Variants in PAPPA observed in about 807,000 individuals in gnomAD.
PAPPA encodes pappalysin 1.
PAPPA carries 60 observed loss-of-function variants against 164.0 expected under a neutral mutation model. The ratio of observed to expected loss-of-function variants is 0.37; its 90% confidence interval spans 0.30 to 0.45. The LOEUF (loss-of-function observed/expected upper bound fraction) is 0.45, where lower values mean the gene tolerates loss of function less well. Ranked by LOEUF, PAPPA falls within the 20% of genes least tolerant of loss-of-function variation. The pLI is 1.00. For synonymous variants in PAPPA, 875 were observed against 814.1 expected (o/e 1.07, Z -1.27); for missense variants, 1,782 against 2,087.3 (o/e 0.85, Z 2.85).
At chr9:116,169,624 C>T (rs1843754444) in intron 1 of PAPPA, among the ~76,000 whole-genome samples, 1 of 151,776 alleles carries the variant, frequency 6.6e-6, no homozygotes, top group Non-Finnish European at 1.5e-5. Context: ...CTAACCTCTC[C>T]AAACTATTCT....
intron 21 of PAPPA, among the ~76,000 whole-genome samples, chr9:116,389,066 GTTGGGTAGCTGAC>G (rs1229657062): frequency 6.6e-6 from 1 of 151,466 alleles, no homozygotes; most frequent in Admixed American, 6.6e-5. Context: ...AGGGCTGGAT[GTTGGGTAGCTGAC>G]TTGGGGATGT....
chr9:116,341,940 C>T, intron 13 of PAPPA, among the ~76,000 whole-genome samples: 1 of 152,230 alleles, frequency 6.6e-6, no homozygotes, highest in East Asian at 1.9e-4. Context: ...GATTGGTAAA[C>T]CTTGTGCTCC....
chr9:116,234,716 C>A (rs1448313796), intron 6 of PAPPA, among the ~76,000 whole-genome samples: 1 of 152,116 alleles, frequency 6.6e-6, no homozygotes. Context: ...TGAACCTGAT[C>A]GATTCACTCT....
intron 13 of PAPPA, among the ~76,000 whole-genome samples, chr9:116,340,275 A>T (rs1221317576): frequency 6.6e-6 from 1 of 152,186 alleles, no homozygotes; most frequent in Non-Finnish European, 1.5e-5. Flanking sequence ...ACAGGGCTGT[A>T]TCACAGAGTT....
intron 10 of PAPPA, among the ~76,000 whole-genome samples, chr9:116,327,155 T>C (rs1845930834): frequency 6.6e-6 from 1 of 152,180 alleles, no homozygotes; most frequent in Admixed American, 6.5e-5. Context: ...TCTAGAGCAC[T>C]CTTGATGTGT....
At chr9:116,269,609 C>T (rs1029476687) in intron 8 of PAPPA, among the ~76,000 whole-genome samples, 7 of 152,144 alleles carry the variant, frequency 4.6e-5, no homozygotes, top group East Asian at 3.9e-4. Context: ...AATAAGGTTT[C>T]GCAGAACTTC....
chr9:116,232,379 A>C (rs1844609225), intron 6 of PAPPA, among the ~76,000 whole-genome samples: 1 of 152,306 alleles, frequency 6.6e-6, no homozygotes, highest in African/African-American at 2.4e-5. Flanking sequence ...TAATGATCTC[A>C]TCCTATTTGA....
chr9:116,209,560 C>T (rs1844281588), intron 3 of PAPPA, among the ~76,000 whole-genome samples: 1 of 152,096 alleles, frequency 6.6e-6, no homozygotes, highest in Non-Finnish European at 1.5e-5. Context: ...AAATCCATAG[C>T]ATGTTATAGT....
chr9:116,288,043 T>C (rs188636542), intron 9 of PAPPA, among the ~76,000 whole-genome samples: 3 of 152,294 alleles, frequency 2.0e-5, no homozygotes, highest in East Asian at 3.9e-4. Context: ...GTGGTTTTGA[T>C]TGATATTTTC....
chr9:116,369,867 C>T (rs550624921), intron 19 of PAPPA, among the ~76,000 whole-genome samples: 110 of 151,556 alleles, frequency 7.3e-4, no homozygotes, highest in Non-Finnish European at 1.1e-3. Context: ...GTTCAGACCT[C>T]CACTGGTCTC....
intron 6 of PAPPA, among the ~76,000 whole-genome samples, chr9:116,232,171 A>G (rs1844606878): frequency 6.6e-6 from 1 of 152,098 alleles, no homozygotes. Context: ...TATACAAGCC[A>G]CTTCACAATC....
At chr9:116,353,548 G>T in intron 16 of PAPPA, 74 bp from the exon 17 acceptor site, 1 of 1,318,744 alleles carries the variant, frequency 7.6e-7, no homozygotes, top group South Asian at 1.3e-5. Context: ...GGGCCCAGCT[G>T]GTGGTGTTCA....
intron 14 of PAPPA, among the ~76,000 whole-genome samples, chr9:116,346,193 G>A (rs535139470): frequency 2.6e-5 from 4 of 152,222 alleles, no homozygotes; most frequent in Admixed American, 6.5e-5. Flanking sequence ...AGGATTTAGC[G>A]GCTTCCTCCT....
intron 10 of PAPPA, among the ~76,000 whole-genome samples, chr9:116,322,133 AG>A (rs1414004478): frequency 6.6e-6 from 1 of 152,194 alleles, no homozygotes; most frequent in African/African-American, 2.4e-5. Context: ...ACCATCTTTA[AG>A]AGTTGGTGCT....
chr9:116,190,215 G>A (rs1415269024), intron 2 of PAPPA, among the ~76,000 whole-genome samples: 1 of 152,210 alleles, frequency 6.6e-6, no homozygotes, highest in African/African-American at 2.4e-5. Context: ...TCTATGATCA[G>A]TGTGCTCCAC....
rs764168007 is a variant in PAPPA at position 116,187,260 on chromosome 9, G to A, written c.522G>A (p.Leu174=). Residue 174 remains leucine, a synonymous_variant, in exon 2 of 22, where the codon TTG becomes TTA. Transcript: ENST00000328252. The surrounding 1 kb of genome is among the most constrained non-coding windows in gnomAD (Gnocchi z 4.2). Reference sequence around the variant, plus strand: ...AAGACCCACGCTACTTTTTCTCCTTGAAGACAGACCGAGCCCGGCAAGTGA... The same window carrying A: ...AAGACCCACGCTACTTTTTCTCCTTAAAGACAGACCGAGCCCGGCAAGTGA... ...DNKDPRYFFS[L]KTDRARQVTT... 6.2e-7 allele frequency: 1 copy of A among 1,614,062 alleles called. No individual in the cohort carries two copies. The highest frequency in any genetic ancestry group is 1.7e-5 in the Admixed American group (1 of 60,014).
chr9:116,352,611 G>C, intron 15 of PAPPA, 95 bp from the exon 16 acceptor site: 2 of 938,350 alleles, frequency 2.1e-6, no homozygotes, highest in Non-Finnish European at 3.5e-6. Flanking sequence ...GGGATCTCCT[G>C]GTTCTTCAAG....
chr9:116,182,905 C>G (rs961456098), intron 1 of PAPPA, among the ~76,000 whole-genome samples: 1 of 152,142 alleles, frequency 6.6e-6, no homozygotes, highest in African/African-American at 2.4e-5. Flanking sequence ...GCAGTGTGCC[C>G]AGACACACTA....
intron 13 of PAPPA, among the ~76,000 whole-genome samples, chr9:116,337,780 G>C (rs1380935274): frequency 6.6e-6 from 1 of 151,894 alleles, no homozygotes; most frequent in East Asian, 1.9e-4. Context: ...GATGCCTACT[G>C]TGCTGCCTTG....
Sources: gnomAD v4.1 joint callset for allele counts (sites outside exome capture counted in the v4.1 genomes callset) on GRCh38, gnomAD v4.1.1 for gene constraint, Gnocchi (gnomAD v3.1) non-coding constraint, MANE v1.5 for transcripts, NCBI Gene and HGNC (gene_info 2026-07-23, HGNC 2026-07-21) for gene names.